MEMO1: variants seen among roughly 807,000 people sequenced by gnomAD.
MEMO1 encodes mediator of cell motility 1, also known as protein MEMO1.
Under a neutral mutation model 45.2 loss-of-function variants are expected in MEMO1, and 6 were observed. The ratio of observed to expected loss-of-function variants is 0.13; its 90% CI spans 0.07 to 0.26. The LOEUF is 0.26. Ranked by LOEUF, MEMO1 falls within the 10% of genes least tolerant of loss-of-function variation. The pLI is 1.00. For missense variants in MEMO1, 184 were observed against 370.5 expected (o/e 0.50, Z 4.13); for synonymous variants, 78 against 124.3 (o/e 0.63, Z 2.48).
intron 2 of MEMO1, among the ~76,000 whole-genome samples, chr2:31,955,101 G>A (rs2148380218): frequency 6.6e-6 from 1 of 152,088 alleles, no homozygotes; most frequent in South Asian, 2.1e-4. Context: ...AATTAGCCGG[G>A]TGTGGTGGCG....
chr2:31,875,015 C>T (rs1443318184), intron 8 of MEMO1, among the ~76,000 whole-genome samples: 1 of 151,812 alleles, frequency 6.6e-6, no homozygotes, highest in Non-Finnish European at 1.5e-5. Flanking sequence ...TTCTAACTCC[C>T]AGAATTGACT....
intron 2 of MEMO1, among the ~76,000 whole-genome samples, chr2:31,966,630 T>G (rs1244411003): frequency 6.7e-6 from 1 of 148,226 alleles, no homozygotes; most frequent in Non-Finnish European, 1.5e-5. Flanking sequence ...CTTGGAAGGC[T>G]GAGGCAGGAA....
intron 6 of MEMO1, among the ~76,000 whole-genome samples, chr2:31,907,909 A>T (rs1198401653): frequency 6.6e-6 from 1 of 152,132 alleles, no homozygotes; most frequent in African/African-American, 2.4e-5. Context: ...TTATTTATTT[A>T]CTCCCACATA....
At chr2:32,006,048 A>G (rs1398660604) in intron 2 of MEMO1, among the ~76,000 whole-genome samples, 1 of 152,264 alleles carries the variant, frequency 6.6e-6, no homozygotes, top group African/African-American at 2.4e-5. Flanking sequence ...ATGTATTTAA[A>G]GAAACAATGA....
At chr2:31,884,819 AC>A (rs1435395670) in intron 7 of MEMO1, among the ~76,000 whole-genome samples, 2 of 152,172 alleles carry the variant, frequency 1.3e-5, no homozygotes, top group African/African-American at 4.8e-5. Context: ...TTATAACTTA[AC>A]TGATGATATC....
chr2:32,006,100 G>C (rs1296880493), intron 2 of MEMO1, among the ~76,000 whole-genome samples: 1 of 152,228 alleles, frequency 6.6e-6, no homozygotes, highest in Non-Finnish European at 1.5e-5. Context: ...AACCAAAACT[G>C]GGTTGGGGTA....
chr2:32,002,144 C>CAAAAA (rs1156408005), intron 2 of MEMO1, among the ~76,000 whole-genome samples: 41 of 55,690 alleles, frequency 7.4e-4, no homozygotes, highest in Admixed American at 9.8e-4. Flanking sequence ...GACTCTGTCT[C>CAAAAA]AAAAAAAAAA....
At chr2:31,924,012 G>A (rs1406488862) in intron 4 of MEMO1, among the ~76,000 whole-genome samples, 4 of 151,972 alleles carry the variant, frequency 2.6e-5, no homozygotes, top group African/African-American at 7.3e-5. Context: ...ATTCTTTCTG[G>A]TTTGGTAGAA....
chr2:31,985,592 C>T (rs1671166401), intron 2 of MEMO1, among the ~76,000 whole-genome samples: 2 of 152,226 alleles, frequency 1.3e-5, no homozygotes, highest in African/African-American at 4.8e-5. Flanking sequence ...TCCCAAAGTG[C>T]TGGGATTACA....
intron 6 of MEMO1, 28 bp downstream of exon 6, chr2:31,917,898 T>C: frequency 7.0e-7 from 1 of 1,429,246 alleles, no homozygotes; most frequent in Non-Finnish European, 9.6e-7. Context: ...TATGATTTCC[T>C]GGGGATTTCT....
At chr2:31,919,933 TGCACAC>T (rs1235521364) in intron 5 of MEMO1, among the ~76,000 whole-genome samples, 1 of 132,022 alleles carries the variant, frequency 7.6e-6, no homozygotes, top group Non-Finnish European at 1.6e-5. Flanking sequence ...TACATGCACA[TGCACAC>T]ACACATACAC....
intron 8 of MEMO1, among the ~76,000 whole-genome samples, chr2:31,882,865 G>A (rs1040762940): frequency 2.0e-5 from 3 of 152,026 alleles, no homozygotes; most frequent in African/African-American, 7.2e-5. Flanking sequence ...ATTTTTATTA[G>A]CTAATTCATA....
At chr2:31,896,897 A>C (rs1164769049) in intron 6 of MEMO1, among the ~76,000 whole-genome samples, 1 of 151,868 alleles carries the variant, frequency 6.6e-6, no homozygotes, top group Non-Finnish European at 1.5e-5. Flanking sequence ...CAGCACATAA[A>C]AATTGCTCAA....
At position 31,990,896 on chromosome 2, in the gene MEMO1, T is replaced by A. The variant is rs568787959; in HGVS notation, c.61+19291A>T. ...TCGCTGAGACTAGCAAGAGAACAAA[T>A]GATATATTATTTAGATATGCACTAT... On this transcript the variant is annotated intron_variant, in intron 2 of 9. Transcript: ENST00000404530. 9.9e-5 allele frequency among the ~76,000 whole-genome samples: 15 copies of A among 152,212 alleles called. No homozygotes were observed. The South Asian group carries it at 3.1e-3, about 32-fold the overall frequency.
intron 6 of MEMO1, among the ~76,000 whole-genome samples, chr2:31,910,224 T>C (rs548809316): frequency 6.6e-6 from 1 of 152,244 alleles, no homozygotes; most frequent in East Asian, 1.9e-4. Context: ...AGGGAGTTTG[T>C]CAATTTAGAC....
chr2:31,904,607 G>T (rs1296580202), intron 6 of MEMO1, among the ~76,000 whole-genome samples: 1 of 152,136 alleles, frequency 6.6e-6, no homozygotes, highest in African/African-American at 2.4e-5. Context: ...ACCTAATGCT[G>T]CCACTGATCT....
At chr2:32,003,026 AT>A (rs1292236348) in intron 2 of MEMO1, among the ~76,000 whole-genome samples, 1 of 152,190 alleles carries the variant, frequency 6.6e-6, no homozygotes, top group Non-Finnish European at 1.5e-5. Flanking sequence ...TCGAAACTAA[AT>A]TTTATTATAT....
chr2:31,918,054 A>T lies in MEMO1; in HGVS notation c.326-17T>A, dbSNP rs1681729584. On this transcript the variant is annotated splice_polypyrimidine_tract_variant and intron_variant, in intron 5 of 9. Coordinates refer to ENST00000404530, the MANE Select transcript of MEMO1 (RefSeq NM_001301833.4). ...CTCCGTAAACTAAAGAGATTTCAAA[A>T]TACAGTAAAATAAATATATTAATGT... 2.6e-6 allele frequency: 4 copies of T among 1,540,692 alleles called. No individual in the cohort carries two copies. The highest frequency in any genetic ancestry group is 3.6e-6 in the Non-Finnish European group (4 of 1,121,938).
intron 2 of MEMO1, among the ~76,000 whole-genome samples, chr2:31,990,910 G>A (rs1671870155): frequency 6.6e-6 from 1 of 152,060 alleles, no homozygotes. Context: ...ATATTATTTA[G>A]ATATGCACTA....
Sources: allele counts gnomAD v4.1 joint callset (sites outside exome capture counted in the v4.1 genomes callset), GRCh38; gene constraint gnomAD v4.1.1; transcripts MANE v1.5; gene names NCBI Gene and HGNC (gene_info 2026-07-23, HGNC 2026-07-21).